Variants in SCHIP1 observed in about 807,000 individuals in gnomAD.
The protein encoded by SCHIP1 is schwannomin-interacting protein 1.
SCHIP1 carries 8 observed loss-of-function variants against 29.7 expected under a neutral mutation model. The observed-to-expected ratio is 0.27, with a 90% confidence interval of 0.16 to 0.49. The LOEUF is 0.49. SCHIP1 is among the 20% of genes least tolerant of loss of function. SCHIP1 has a pLI of 0.99. For synonymous variants in SCHIP1, 76 were observed against 94.9 expected (o/e 0.80, Z 1.16); for missense variants, 193 against 294.6 (o/e 0.66, Z 2.52).
the SCHIP1 span, among the ~76,000 whole-genome samples, chr3:159,421,298 C>A: frequency 1.3e-4 from 20 of 152,282 alleles, no homozygotes; most frequent in Admixed American, 9.8e-4. Context: ...CTGTGTATTG[C>A]TGTATCATGG....
the SCHIP1 span, among the ~76,000 whole-genome samples, chr3:159,549,601 T>A: frequency 1.3e-5 from 2 of 152,122 alleles, no homozygotes; most frequent in Non-Finnish European, 2.9e-5. Context: ...AGGAGAAAGT[T>A]TCACCAGATG....
chr3:159,501,749 A>T, the SCHIP1 span, among the ~76,000 whole-genome samples: 1 of 152,202 alleles, frequency 6.6e-6, no homozygotes, highest in Non-Finnish European at 1.5e-5. Context: ...TTTCCTAGAT[A>T]TATTAATTTA....
At chr3:159,851,258 C>G (rs547736494) in intron 1 of SCHIP1, among the ~76,000 whole-genome samples, 2 of 152,298 alleles carry the variant, frequency 1.3e-5, no homozygotes, top group Admixed American at 6.5e-5. Flanking sequence ...CCATTGCACT[C>G]CAGCCTGGGC....
At chr3:159,523,426 G>C in the SCHIP1 span, among the ~76,000 whole-genome samples, 1 of 152,074 alleles carries the variant, frequency 6.6e-6, no homozygotes, top group African/African-American at 2.4e-5. Context: ...ATTTCTTAAA[G>C]AATATTGGGT....
chr3:159,881,155 C>T (rs1716398637), intron 2 of SCHIP1, among the ~76,000 whole-genome samples: 1 of 152,176 alleles, frequency 6.6e-6, no homozygotes, highest in Non-Finnish European at 1.5e-5. Context: ...CAATTGTTCT[C>T]ACATTGTTTC....
At chr3:159,798,368 T>A in the SCHIP1 span, among the ~76,000 whole-genome samples, 144 of 152,192 alleles carry the variant, frequency 9.5e-4, no homozygotes, top group South Asian at 6.0e-3. Flanking sequence ...TTTTAGGAGG[T>A]TTAAATGGCA....
chr3:159,388,307 T>C, the SCHIP1 span, among the ~76,000 whole-genome samples: 3 of 152,084 alleles, frequency 2.0e-5, no homozygotes, highest in Non-Finnish European at 2.9e-5. Flanking sequence ...TTAGAAAATG[T>C]AATAGTAAAG....
At chr3:159,489,095 A>T in the SCHIP1 span, among the ~76,000 whole-genome samples, 2 of 152,216 alleles carry the variant, frequency 1.3e-5, no homozygotes, top group African/African-American at 4.8e-5. Context: ...TTAATTTCAA[A>T]TTTTGATTAA....
At chr3:159,799,249 C>T in the SCHIP1 span, among the ~76,000 whole-genome samples, 2 of 152,232 alleles carry the variant, frequency 1.3e-5, no homozygotes, top group Non-Finnish European at 2.9e-5. Context: ...GTCTTGGCTT[C>T]TCTGTTAGAA....
chr3:159,804,913 GT>G, the SCHIP1 span, among the ~76,000 whole-genome samples: 8 of 152,162 alleles, frequency 5.3e-5, no homozygotes, highest in Admixed American at 1.3e-4. Context: ...TTTCCTTTGA[GT>G]TTATTCATCA....
the SCHIP1 span, among the ~76,000 whole-genome samples, chr3:159,828,602 CCAAA>C: frequency 1.3e-5 from 2 of 150,830 alleles, no homozygotes; most frequent in Admixed American, 6.6e-5. Flanking sequence ...TAATACTATC[CCAAA>C]CAGATTAAAA....
At chr3:159,542,686 T>C in the SCHIP1 span, among the ~76,000 whole-genome samples, 4 of 152,016 alleles carry the variant, frequency 2.6e-5, no homozygotes, top group Non-Finnish European at 5.9e-5. Flanking sequence ...CCATTCAGCA[T>C]GAGGCATGAT....
At chr3:159,513,719 C>T in the SCHIP1 span, among the ~76,000 whole-genome samples, 4 of 152,166 alleles carry the variant, frequency 2.6e-5, no homozygotes, top group East Asian at 3.9e-4. Flanking sequence ...CTCCAGACAA[C>T]GGCACAGAAA....
chr3:159,371,675 T>G, the SCHIP1 span, among the ~76,000 whole-genome samples: 2 of 152,196 alleles, frequency 1.3e-5, no homozygotes, highest in Admixed American at 1.3e-4. Flanking sequence ...TCACGGATGC[T>G]GAGGACTCTG....
At chr3:159,700,249 A>G in the SCHIP1 span, among the ~76,000 whole-genome samples, 1 of 152,244 alleles carries the variant, frequency 6.6e-6, no homozygotes, top group Non-Finnish European at 1.5e-5. Context: ...GCTAAGTGAC[A>G]TGCAAATTAA....
chr3:159,613,442 T>C, the SCHIP1 span, among the ~76,000 whole-genome samples: 1 of 152,168 alleles, frequency 6.6e-6, no homozygotes, highest in Non-Finnish European at 1.5e-5. Context: ...TTTATGAATT[T>C]ATTTTGTCAA....
chr3:159,539,251 C>CTTTAAAG, the SCHIP1 span, among the ~76,000 whole-genome samples: 11 of 83,304 alleles, frequency 1.3e-4, no homozygotes, highest in East Asian at 5.6e-4. Context: ...TTTCAAAGAA[C>CTTTAAAG]TTAGGGTTAT....
the SCHIP1 span, among the ~76,000 whole-genome samples, chr3:159,457,844 T>C: frequency 1.4e-3 from 219 of 152,276 alleles, 3 homozygotes; most frequent in African/African-American, 5.0e-3. Flanking sequence ...ACAATATATG[T>C]AATAAAAATT....
At chr3:159,608,714 C>A in the SCHIP1 span, among the ~76,000 whole-genome samples, 1 of 152,140 alleles carries the variant, frequency 6.6e-6, no homozygotes, top group African/African-American at 2.4e-5. Flanking sequence ...GCTTTTAGGA[C>A]CTGAATGACC....
Sources: gnomAD v4.1 joint callset for allele counts (sites outside exome capture counted in the v4.1 genomes callset) on GRCh38, gnomAD v4.1.1 for gene constraint, MANE v1.5 for transcripts, NCBI Gene and HGNC (gene_info 2026-07-23, HGNC 2026-07-21) for gene names.